Variants in CACNB2 observed in about 807,000 individuals in gnomAD.
The protein encoded by CACNB2 is voltage-dependent L-type calcium channel subunit beta-2.
Under a neutral mutation model 73.3 loss-of-function variants are expected in CACNB2, and 42 were observed. The observed-to-expected ratio is 0.57, with a 90% CI of 0.45 to 0.74. The LOEUF (loss-of-function observed/expected upper bound fraction) is 0.74, where lower values mean the gene tolerates loss of function less well. Ranked by LOEUF, CACNB2 falls within the 30% of genes least tolerant of loss-of-function variation. The pLI is 0.00. For missense variants in CACNB2, 940 were observed against 853.0 expected, an observed-to-expected ratio of 1.10 and a Z score of -1.27; for synonymous variants, 348 against 310.3, an observed-to-expected ratio of 1.12 and a Z score of -1.28.
intron 2 of CACNB2, among the ~76,000 whole-genome samples, chr10:18,163,613 C>T (rs987533629): frequency 2.0e-5 from 3 of 152,138 alleles, no homozygotes; most frequent in Non-Finnish European, 4.4e-5. Context: ...TCATCTGTTT[C>T]GTATTGAGCA....
At chr10:18,152,650 C>T (rs2131041414) in intron 2 of CACNB2, among the ~76,000 whole-genome samples, 1 of 137,716 alleles carries the variant, frequency 7.3e-6, no homozygotes, top group South Asian at 2.3e-4. Context: ...GAGATTGAAC[C>T]TGGAGAGCTA....
chr10:18,192,503 A>G (rs1453177425), intron 2 of CACNB2, among the ~76,000 whole-genome samples: 1 of 152,084 alleles, frequency 6.6e-6, no homozygotes, highest in African/African-American at 2.4e-5. Context: ...ATGAGCCACC[A>G]CCTGTAACCA....
At chr10:18,495,029 G>A (rs548023768) in intron 3 of CACNB2, among the ~76,000 whole-genome samples, 21 of 152,230 alleles carry the variant, frequency 1.4e-4, no homozygotes, top group East Asian at 1.4e-3. Context: ...CAGTAGTTTA[G>A]AATAAAAATT....
At chr10:18,505,169 A>G (rs768366509) in intron 5 of CACNB2, among the ~76,000 whole-genome samples, 8 of 152,008 alleles carry the variant, frequency 5.3e-5, no homozygotes, top group Non-Finnish European at 1.2e-4. Context: ...TACATAAATA[A>G]TATTTTGGCT....
chr10:18,514,507 G>A (rs1443146362), intron 7 of CACNB2, 138 bp downstream of exon 7: 1 of 1,614,010 alleles, frequency 6.2e-7, no homozygotes, highest in African/African-American at 1.3e-5. Context: ...CCATGCTGCT[G>A]TAGCTAAGCA....
At chr10:18,163,737 TG>T (rs2032644294) in intron 2 of CACNB2, among the ~76,000 whole-genome samples, 3 of 152,042 alleles carry the variant, frequency 2.0e-5, no homozygotes, top group Admixed American at 6.6e-5. Context: ...AAATTAATAG[TG>T]TGGTGCAGGA....
chr10:18,191,402 GGAA>G (rs2034389702), intron 2 of CACNB2, among the ~76,000 whole-genome samples: 1 of 152,080 alleles, frequency 6.6e-6, no homozygotes, highest in Non-Finnish European at 1.5e-5. Context: ...GATGAAGGTG[GGAA>G]GAAGATCAAA....
At chr10:18,152,814 G>T (rs1187530249) in intron 2 of CACNB2, among the ~76,000 whole-genome samples, 2 of 149,804 alleles carry the variant, frequency 1.3e-5, no homozygotes, top group African/African-American at 4.9e-5. Flanking sequence ...TGTTGAAATT[G>T]CACGGAAAGA....
intron 3 of CACNB2, among the ~76,000 whole-genome samples, chr10:18,463,221 T>G (rs1028901904): frequency 6.6e-6 from 1 of 152,138 alleles, no homozygotes; most frequent in Non-Finnish European, 1.5e-5. Flanking sequence ...TCTCTCCTCC[T>G]GTCAGAATCC....
intron 12 of CACNB2, among the ~76,000 whole-genome samples, chr10:18,537,369 T>G (rs2053704680): frequency 6.6e-6 from 1 of 152,170 alleles, no homozygotes; most frequent in Non-Finnish European, 1.5e-5. Context: ...TAATAAACAC[T>G]AAAAAATCTT....
chr10:18,229,828 T>G (rs1372337725), intron 2 of CACNB2, among the ~76,000 whole-genome samples: 1 of 152,198 alleles, frequency 6.6e-6, no homozygotes, highest in East Asian at 1.9e-4. Context: ...TTTATGTAGT[T>G]AAATAGATTC....
intron 3 of CACNB2, among the ~76,000 whole-genome samples, chr10:18,496,352 C>A (rs1341310406): frequency 6.6e-6 from 1 of 152,084 alleles, no homozygotes; most frequent in South Asian, 2.1e-4. Flanking sequence ...TCAGTCTTAA[C>A]CCAGACAAGA....
intron 2 of CACNB2, among the ~76,000 whole-genome samples, chr10:18,350,605 C>T (rs973040993): frequency 1.3e-5 from 2 of 152,116 alleles, no homozygotes; most frequent in Non-Finnish European, 2.9e-5. Flanking sequence ...GACCTTGAAC[C>T]CTGCAGGTCC....
intron 13 of CACNB2, among the ~76,000 whole-genome samples, chr10:18,538,593 A>G (rs545157345): frequency 1.6e-4 from 25 of 152,160 alleles, no homozygotes; most frequent in Non-Finnish European, 3.1e-4. Context: ...ACAGTAGCAT[A>G]GACTGTGGAA....
intron 3 of CACNB2, among the ~76,000 whole-genome samples, chr10:18,463,601 T>G (rs2047703607): frequency 1.4e-5 from 2 of 147,518 alleles, no homozygotes; most frequent in Non-Finnish European, 3.0e-5. Context: ...TTTTGTTGTT[T>G]TTTGTTTTTT....
At chr10:18,393,506 G>A (rs140118224) in intron 2 of CACNB2, among the ~76,000 whole-genome samples, 59 of 152,156 alleles carry the variant, frequency 3.9e-4, no homozygotes, top group African/African-American at 4.6e-4. Flanking sequence ...TGATATGTTC[G>A]TTTTTTAAAA....
intron 2 of CACNB2, among the ~76,000 whole-genome samples, chr10:18,151,846 G>T (rs979719282): frequency 6.6e-6 from 1 of 152,114 alleles, no homozygotes; most frequent in East Asian, 1.9e-4. Flanking sequence ...CTCACTCTAC[G>T]GAACAGTGGT....
At chr10:18,211,933 C>T (rs10828310) in intron 2 of CACNB2, among the ~76,000 whole-genome samples, 5,804 of 152,020 alleles carry the variant, frequency 0.038, 246 homozygotes, top group East Asian at 0.14. Context: ...CTGGTACAAA[C>T]GTGCAGACGT....
chr10:18,340,924 A>G lies in CACNB2; in HGVS notation c.214-61000A>G, dbSNP rs762796116. ...TGCTGGGCGCACTTGGAATTGGTCT[A>G]GCATGCTTGACAGACGCCTTATAGC... is the stretch of plus-strand genomic sequence containing the variant. On this transcript the variant is annotated intron_variant, in intron 2 of 13. Coordinates refer to ENST00000324631, the MANE Select transcript of CACNB2 (RefSeq NM_201596.3). 1 of 1,614,180 alleles carries G rather than the reference A, an allele frequency of 6.2e-7. No homozygotes were observed. Among genetic ancestry groups the G allele is most frequent in the South Asian group, 1.1e-5 (1 of 91,092 alleles).
Sources: gnomAD v4.1 joint callset for allele counts (sites outside exome capture counted in the v4.1 genomes callset) on GRCh38, gnomAD v4.1.1 for gene constraint, MANE v1.5 for transcripts, NCBI Gene and HGNC (gene_info 2026-07-23, HGNC 2026-07-21) for gene names.